IKZF3: variants seen among roughly 807,000 people sequenced by gnomAD.
IKZF3 encodes the protein zinc finger protein Aiolos.
In IKZF3, 10 loss-of-function variants were observed where a neutral mutation model predicts 49.0. That is an observed-to-expected ratio of 0.20 (90% CI 0.13 to 0.35). The LOEUF (loss-of-function observed/expected upper bound fraction) is 0.35, where lower values mean the gene tolerates loss of function less well. IKZF3 is among the 10% of genes least tolerant of loss of function. IKZF3 has a pLI of 1.00. For missense variants in IKZF3, 498 were observed against 664.8 expected (o/e 0.75, Z 2.76); for synonymous variants, 209 against 228.2 (o/e 0.92, Z 0.76).
chr17:39,808,811 T>C (rs1372300619), intron 3 of IKZF3, among the ~76,000 whole-genome samples: 1 of 152,178 alleles, frequency 6.6e-6, no homozygotes, highest in Non-Finnish European at 1.5e-5. Flanking sequence ...GAATAGGTCA[T>C]ATAAAAATGC....
At chr17:39,813,922 C>T (rs1020373133) in intron 3 of IKZF3, among the ~76,000 whole-genome samples, 3 of 152,236 alleles carry the variant, frequency 2.0e-5, no homozygotes, top group Admixed American at 6.5e-5. Context: ...GGAGCCTCAG[C>T]GAGTGCCTAA....
chr17:39,821,875 A>G (rs1054819247), intron 3 of IKZF3, among the ~76,000 whole-genome samples: 1 of 152,232 alleles, frequency 6.6e-6, no homozygotes, highest in African/African-American at 2.4e-5. Flanking sequence ...TCAGCTTCCT[A>G]AAGAATTTTG....
At chr17:39,842,905 T>A (rs771176869) in intron 1 of IKZF3, among the ~76,000 whole-genome samples, 6 of 152,216 alleles carry the variant, frequency 3.9e-5, no homozygotes, top group Non-Finnish European at 8.8e-5. Context: ...ACAAAAATTA[T>A]GTGCCTTCTG....
chr17:39,776,067 A>T (rs897348543), intron 7 of IKZF3, among the ~76,000 whole-genome samples: 4 of 152,114 alleles, frequency 2.6e-5, no homozygotes, highest in African/African-American at 7.2e-5. Flanking sequence ...CCTGGGCAAC[A>T]TGAGGAGACT....
At chr17:39,783,224 A>G (rs762539100) in intron 6 of IKZF3, among the ~76,000 whole-genome samples, 3 of 152,266 alleles carry the variant, frequency 2.0e-5, no homozygotes, top group Non-Finnish European at 4.4e-5. Flanking sequence ...AAATTGTCTA[A>G]CAAGAGATTG....
At chr17:39,833,681 G>A (rs1203222936) in intron 1 of IKZF3, among the ~76,000 whole-genome samples, 3 of 152,078 alleles carry the variant, frequency 2.0e-5, no homozygotes, top group Non-Finnish European at 4.4e-5. Context: ...TGGACACCTA[G>A]ACTGTTTCCA....
intron 7 of IKZF3, among the ~76,000 whole-genome samples, chr17:39,773,662 A>T (rs1253210163): frequency 2.0e-5 from 3 of 152,238 alleles, no homozygotes; most frequent in Admixed American, 2.0e-4. Context: ...TCTGAATAAC[A>T]TCTGTTTTTT....
chr17:39,784,560 C>A (rs532896962), intron 6 of IKZF3, among the ~76,000 whole-genome samples: 1 of 152,250 alleles, frequency 6.6e-6, no homozygotes, highest in African/African-American at 2.4e-5. Flanking sequence ...AGCACCACCA[C>A]ACCTAGCTAA....
chr17:39,784,409 CTT>C (rs35165958), intron 6 of IKZF3, among the ~76,000 whole-genome samples: 5 of 144,236 alleles, frequency 3.5e-5, no homozygotes, highest in Non-Finnish European at 4.6e-5. Flanking sequence ...TCACTAGTGT[CTT>C]TTTTTTTTTT....
At chr17:39,863,608 T>C (rs891641859) in intron 1 of IKZF3, among the ~76,000 whole-genome samples, 2 of 152,232 alleles carry the variant, frequency 1.3e-5, no homozygotes, top group Admixed American at 6.5e-5. Flanking sequence ...AATGTGAACC[T>C]GATTTTTTGC....
intron 1 of IKZF3, among the ~76,000 whole-genome samples, chr17:39,840,616 T>TA (rs554936738): frequency 1.6e-4 from 24 of 152,222 alleles, no homozygotes; most frequent in Admixed American, 9.2e-4. Context: ...ATTTTTAGTT[T>TA]AAAAAATACA....
chr17:39,855,997 T>TATACAATATAACATGTATATTGTAC (rs2063034117), intron 1 of IKZF3, among the ~76,000 whole-genome samples: 2 of 150,370 alleles, frequency 1.3e-5, no homozygotes, highest in African/African-American at 4.9e-5. Context: ...GTATATTGTA[T>TATACAATATAACATGTATATTGTAC]ATGTACAATA....
rs1483694491 is a variant in IKZF3 at position 39,760,267 on chromosome 17, C to T, written c.*5523G>A. ...CACCTCCCAGGTTCAAGCAATTCTC[C>T]TGCGTCAGCCTCCCGAGTAGCTGGG... On this transcript the variant is annotated 3_prime_UTR_variant, in exon 8 of 8. Transcript: ENST00000346872. The T allele has an allele frequency of 6.6e-6, 1 of 151,344 alleles. No homozygotes were observed. Among genetic ancestry groups the T allele is most frequent in the Non-Finnish European group, 1.5e-5 (1 of 68,016 alleles). 9.4% of individuals were successfully genotyped at this position (151,344 alleles called of 1,614,324 possible). A position where few individuals can be genotyped will look rare whatever the true frequency, so the allele number is the denominator to read the frequency against.
At position 39,759,141 on chromosome 17, in the gene IKZF3, C is replaced by T. The variant is rs917570078; in HGVS notation, c.*6649G>A. 2.6e-5 allele frequency: 4 copies of T among 152,044 alleles called. No individual in the cohort carries two copies. Among genetic ancestry groups the T allele is most frequent in the South Asian group, 2.1e-4 (1 of 4,824 alleles). The allele number at this position is 152,044 out of a possible 1,614,324, so 9.4% of individuals were successfully genotyped here. On this transcript the variant is annotated 3_prime_UTR_variant, in exon 8 of 8. Coordinates refer to ENST00000346872, the MANE Select transcript of IKZF3 (RefSeq NM_012481.5). ...GTATTAAGAAGAAACTCAGGCCAGC[C>T]GCGGTGCCTCACGCCTGTAACCCCA...
At chr17:39,831,913 C>T (rs1400558436) in intron 2 of IKZF3, among the ~76,000 whole-genome samples, 185 bp downstream of exon 2, 1 of 152,020 alleles carries the variant, frequency 6.6e-6, no homozygotes, top group Admixed American at 6.6e-5. Context: ...CCCTAAGATG[C>T]TAAAGAACTT....
chr17:39,835,802 CT>C, intron 1 of IKZF3: 1 of 522,638 alleles, frequency 1.9e-6, no homozygotes. Flanking sequence ...TCATGTATGC[CT>C]CATCCACATC....
At chr17:39,797,698 C>T (rs1402689890) in intron 3 of IKZF3, among the ~76,000 whole-genome samples, 1 of 152,166 alleles carries the variant, frequency 6.6e-6, no homozygotes, top group Non-Finnish European at 1.5e-5. Context: ...GTTGGGATTA[C>T]AGGCATGAGC....
intron 7 of IKZF3, among the ~76,000 whole-genome samples, chr17:39,771,158 C>T (rs1191580767): frequency 6.6e-6 from 1 of 152,196 alleles, no homozygotes. Flanking sequence ...TGCTACCTTG[C>T]CCATGGCTGC....
chr17:39,790,529 G>A (rs2060992210), intron 5 of IKZF3, among the ~76,000 whole-genome samples: 2 of 152,118 alleles, frequency 1.3e-5, no homozygotes, highest in African/African-American at 4.8e-5. Context: ...AATCAAAGCA[G>A]TAGATGTGAA....
Sources: gnomAD v4.1 joint callset for allele counts (sites outside exome capture counted in the v4.1 genomes callset) on GRCh38, gnomAD v4.1.1 for gene constraint, MANE v1.5 for transcripts, NCBI Gene and HGNC (gene_info 2026-07-23, HGNC 2026-07-21) for gene names.